The following SPDYC variants were observed in gnomAD, a reference collection of about 807,000 sequenced individuals.
SPDYC encodes the protein speedy/RINGO cell cycle regulator family member C.
In SPDYC, 25 loss-of-function variants were observed where a neutral mutation model predicts 33.9. That is an observed-to-expected ratio of 0.74 (90% confidence interval 0.54 to 1.03). The LOEUF is 1.03. SPDYC is among the 50% of genes least tolerant of loss of function. The pLI, the probability that SPDYC is intolerant of heterozygous loss-of-function variation, is 0.00. For missense variants in SPDYC, 349 were observed against 382.9 expected (o/e 0.91, Z 0.74); for synonymous variants, 133 against 140.2 (o/e 0.95, Z 0.36).
intron 2 of SPDYC, among the ~76,000 whole-genome samples, 172 bp downstream of exon 2, chr11:65,171,671 G>C (rs1289379578): frequency 1.3e-5 from 2 of 152,124 alleles, no homozygotes; most frequent in Admixed American, 6.6e-5. Flanking sequence ...TGGATTCAGG[G>C]CCAGGCACCG....
At chr11:65,171,368 C>T (rs1421212375) in exon 2 of SPDYC, 1 of 1,612,562 alleles carries the variant, frequency 6.2e-7, no homozygotes. Flanking sequence ...ATGAGTGACT[C>T]CCAAGACCCC....
intron 1 of SPDYC, 93 bp from the exon 2 acceptor site, chr11:65,171,234 C>T: frequency 7.2e-7 from 1 of 1,389,728 alleles, no homozygotes; most frequent in Non-Finnish European, 9.7e-7. Context: ...TCTCTGCACC[C>T]ACCCCTCCAC....
At chr11:65,171,205 T>C in intron 1 of SPDYC, 122 bp from the exon 2 acceptor site, 1 of 1,094,280 alleles carries the variant, frequency 9.1e-7, no homozygotes, top group Non-Finnish European at 1.3e-6. Context: ...CCGGCTGCCT[T>C]CTGTTCTGAG....
Position 65,173,088 on chromosome 11 carries a change from G to C in SPDYC, c.847+74G>C. ...AGGCAGGAGTGAGGACCAACAATAT[G>C]AGAGAGAGGGCCATGGGCCTGGGGT... On this transcript the variant is annotated intron_variant, in intron 6 of 6. Transcript: ENST00000377185. 4 of 1,597,168 alleles carry C rather than the reference G, an allele frequency of 2.5e-6. No individual in the cohort carries two copies. The South Asian group carries it at 4.5e-5, about 18-fold the overall frequency.
intron 6 of SPDYC, 42 bp from the exon 7 acceptor site, chr11:65,173,137 AGCTT>A: frequency 6.2e-7 from 1 of 1,611,376 alleles, no homozygotes; most frequent in Non-Finnish European, 8.5e-7. Flanking sequence ...CTCCCGTGTG[AGCTT>A]GGCAGGTTTC....
downstream of SPDYC, chr11:65,173,362 G>T: frequency 1.0e-6 from 1 of 990,298 alleles, no homozygotes. Flanking sequence ...ATGTCCACAG[G>T]ACACCAACTG....
chr11:65,170,984 C>G (rs1948424279), intron 1 of SPDYC, among the ~76,000 whole-genome samples: 1 of 152,136 alleles, frequency 6.6e-6, no homozygotes, highest in Non-Finnish European at 1.5e-5. Flanking sequence ...CCTCGTTTGA[C>G]GACCGGTCTG....
chr11:65,170,289 G>T, intron 1 of SPDYC, 28 bp downstream of exon 1: 2 of 1,569,424 alleles, frequency 1.3e-6, no homozygotes, highest in Non-Finnish European at 1.7e-6. Flanking sequence ...AGGAGGCTGG[G>T]TTGCTTGCGG....
exon 6 of SPDYC, chr11:65,172,769 TCCCTGTTCGCCTTCCCCGGGG>T: frequency 6.2e-7 from 1 of 1,613,898 alleles, no homozygotes; most frequent in Non-Finnish European, 8.5e-7. Flanking sequence ...TGTCCACAGG[TCCCTGTTCGCCTTCCCCGGGG>T]CCCTGGCCTC....
chr11:65,170,252 C>T, exon 1 of SPDYC: 2 of 1,578,698 alleles, frequency 1.3e-6, no homozygotes, highest in Non-Finnish European at 8.6e-7. Flanking sequence ...TGGGCCATTC[C>T]TGAGCTCGGG....
At chr11:65,171,113 G>T (rs990604010) in intron 1 of SPDYC, among the ~76,000 whole-genome samples, 6 of 151,996 alleles carry the variant, frequency 3.9e-5, no homozygotes, top group Non-Finnish European at 8.8e-5. Context: ...GTCCTGGGGT[G>T]CCAGGAGGAG....
chr11:65,170,988 C>T (rs559449078), intron 1 of SPDYC, among the ~76,000 whole-genome samples: 6 of 152,150 alleles, frequency 3.9e-5, no homozygotes, highest in African/African-American at 9.7e-5. Context: ...GTTTGACGAC[C>T]GGTCTGAGTT....
exon 1 of SPDYC, chr11:65,170,256 G>C (rs1948416832): frequency 1.3e-6 from 2 of 1,580,812 alleles, no homozygotes; most frequent in East Asian, 4.8e-5. Context: ...CCATTCCTGA[G>C]CTCGGGTAAG....
exon 4 of SPDYC, chr11:65,172,290 G>A: frequency 6.2e-7 from 1 of 1,614,168 alleles, no homozygotes; most frequent in South Asian, 1.1e-5. Context: ...GCGCCCACCT[G>A]AAGCTCAGCG....
At chr11:65,172,504 A>G (rs768303031) in exon 5 of SPDYC, 2 of 1,582,298 alleles carry the variant, frequency 1.3e-6, no homozygotes, top group South Asian at 1.2e-5. Context: ...GGCCCTGGGA[A>G]AAGATTGGTG....
exon 5 of SPDYC, chr11:65,172,473 C>G: frequency 6.3e-7 from 1 of 1,583,818 alleles, no homozygotes; most frequent in Non-Finnish European, 8.6e-7. Context: ...TGGAGGGCCC[C>G]AAATGTGAGA....
chr11:65,170,357 G>T, intron 1 of SPDYC, 96 bp downstream of exon 1: 4 of 1,284,326 alleles, frequency 3.1e-6, no homozygotes, highest in African/African-American at 1.5e-5. Context: ...CGTTCTCCTC[G>T]GCCCCGTGGT....
chr11:65,170,456 T>C (rs1447122957), intron 1 of SPDYC, among the ~76,000 whole-genome samples, 195 bp downstream of exon 1: 1 of 152,126 alleles, frequency 6.6e-6, no homozygotes, highest in East Asian at 1.9e-4. Flanking sequence ...TAAATCCAGG[T>C]ATTTTTCTAA....
exon 6 of SPDYC, chr11:65,172,784 C>T (rs1327641593): frequency 1.2e-6 from 2 of 1,613,920 alleles, no homozygotes; most frequent in East Asian, 2.2e-5. Context: ...GTTCGCCTTC[C>T]CCGGGGCCCT....
Sources: allele counts gnomAD v4.1 joint callset (sites outside exome capture counted in the v4.1 genomes callset), GRCh38; gene constraint gnomAD v4.1.1; transcripts MANE v1.5; gene names NCBI Gene and HGNC (gene_info 2026-07-23, HGNC 2026-07-21).